KBTBD2: variants seen among roughly 807,000 people sequenced by gnomAD.
KBTBD2 encodes kelch repeat and BTB domain-containing protein 2.
A neutral mutation model predicts 57.1 loss-of-function variants in KBTBD2; 17 were observed. The ratio of observed to expected loss-of-function variants is 0.30; its 90% CI spans 0.20 to 0.45. The LOEUF (loss-of-function observed/expected upper bound fraction) is 0.45. Among genes scored for constraint, KBTBD2 ranks in the 20% least tolerant of loss-of-function variants. The pLI, the probability that KBTBD2 is intolerant of heterozygous loss-of-function variation, is 1.00. For missense variants in KBTBD2, 515 were observed against 750.6 expected (o/e 0.69, Z 3.67); for synonymous variants, 267 against 262.7 (o/e 1.02, Z -0.16).
chr7:32,869,789 C>T lies in KBTBD2; in HGVS notation c.1428G>A (p.Gly476=). 6 of 1,613,740 alleles carry T rather than the reference C, an allele frequency of 3.7e-6. No individual in the cohort carries two copies. Among genetic ancestry groups the T allele is most frequent in the Non-Finnish European group, 5.1e-6 (6 of 1,179,978 alleles). The part of the protein sequence containing the change: ...AFGDKIFYIG[G]LHIATNSGIR... ...TGCCGGAATTGGTAGCAATATGCAACCCTCCAATATAGAAAATTTTATCAC... is the reference window on the plus strand; with the variant it reads ...TGCCGGAATTGGTAGCAATATGCAATCCTCCAATATAGAAAATTTTATCAC... The change falls in exon 4 of 4, where the codon GGG becomes GGA. Residue 476 remains glycine (G), a synonymous_variant. Transcript: ENST00000304056.
intron 2 of KBTBD2, 77 bp downstream of exon 2, chr7:32,879,358 A>G (rs1327648760): frequency 1.7e-6 from 2 of 1,144,222 alleles, no homozygotes; most frequent in Non-Finnish European, 2.4e-6. Flanking sequence ...ACTTAAAAAC[A>G]AAAATTGAGA....
intron 3 of KBTBD2, among the ~76,000 whole-genome samples, chr7:32,873,384 CAA>C (rs544661966): frequency 6.5e-5 from 7 of 107,762 alleles, no homozygotes; most frequent in Admixed American, 9.8e-5. Flanking sequence ...AAGCTCTAAG[CAA>C]AAAAAAAAAA....
intron 3 of KBTBD2, among the ~76,000 whole-genome samples, chr7:32,873,663 G>A (rs1472760910): frequency 6.6e-6 from 1 of 152,182 alleles, no homozygotes; most frequent in African/African-American, 2.4e-5. Flanking sequence ...GAACCCAGGA[G>A]GCAGAGGTTG....
At chr7:32,870,928 C>T in intron 3 of KBTBD2, 48 bp from the exon 4 acceptor site, 1 of 1,172,998 alleles carries the variant, frequency 8.5e-7, no homozygotes, top group East Asian at 2.6e-5. Context: ...CCAGGACAGA[C>T]ACATTTTACT....
chr7:32,870,902 AAAC>A (rs1562531101), intron 3 of KBTBD2, 22 bp from the exon 4 acceptor site: 1 of 1,447,308 alleles, frequency 6.9e-7, no homozygotes, highest in Non-Finnish European at 9.2e-7. Context: ...AGGAAAAAAA[AAAC>A]AGGCTGATAG....
At chr7:32,883,542 T>G (rs952034337) in intron 1 of KBTBD2, among the ~76,000 whole-genome samples, 3 of 135,996 alleles carry the variant, frequency 2.2e-5, no homozygotes, top group African/African-American at 7.3e-5. Context: ...ATTCAGTATG[T>G]ACTATATTAA....
At chr7:32,887,419 G>C (rs1286835684) in intron 1 of KBTBD2, among the ~76,000 whole-genome samples, 1 of 152,122 alleles carries the variant, frequency 6.6e-6, no homozygotes, top group Non-Finnish European at 1.5e-5. Flanking sequence ...AAGTACATGA[G>C]GTGACAGATG....
Position 32,869,309 on chromosome 7 carries a change from C to T in KBTBD2, c.*36G>A, listed in dbSNP as rs749560379. 1.9e-5 allele frequency: 27 copies of T among 1,412,940 alleles called. 1 individual carries two copies. In the South Asian group the frequency reaches 3.5e-4, roughly 18 times the overall value. The allele number at this position is 1,412,940 out of a possible 1,614,324, so 87.5% of individuals were successfully genotyped here. A position where few individuals can be genotyped will look rare whatever the true frequency, so the allele number is the denominator to read the frequency against. ...TTGTTTAGCAAAGAAAATGACAAAGCACATAACTCAGGCGTGCACTCCCTG... is the reference window on the plus strand; with the variant it reads ...TTGTTTAGCAAAGAAAATGACAAAGTACATAACTCAGGCGTGCACTCCCTG... On this transcript the variant is annotated 3_prime_UTR_variant, in exon 4 of 4. Transcript: ENST00000304056.
At chr7:32,873,611 G>A (rs1784235809) in intron 3 of KBTBD2, among the ~76,000 whole-genome samples, 1 of 152,116 alleles carries the variant, frequency 6.6e-6, no homozygotes, top group South Asian at 2.1e-4. Flanking sequence ...GTACATGCCT[G>A]TAATCCCAGC....
intron 2 of KBTBD2, among the ~76,000 whole-genome samples, chr7:32,876,740 T>C (rs566858745): frequency 6.6e-6 from 1 of 152,204 alleles, no homozygotes; most frequent in Non-Finnish European, 1.5e-5. Context: ...CAGATCATCT[T>C]AGGCCAGGAG....
At chr7:32,890,945 G>A (rs1042828002) in intron 1 of KBTBD2, 2 of 152,216 alleles carry the variant, frequency 1.3e-5, no homozygotes, top group East Asian at 3.8e-4. Context: ...CGAATTCAAG[G>A]AAGTTAAAGA....
intron 2 of KBTBD2, among the ~76,000 whole-genome samples, chr7:32,876,682 T>C (rs551114048): frequency 6.6e-6 from 1 of 152,190 alleles, no homozygotes; most frequent in South Asian, 2.1e-4. Flanking sequence ...AGCTGGGCGC[T>C]TGGTGGCTCA....
intron 2 of KBTBD2, among the ~76,000 whole-genome samples, chr7:32,876,277 C>G (rs943441645): frequency 6.6e-6 from 1 of 152,084 alleles, no homozygotes; most frequent in African/African-American, 2.4e-5. Context: ...TTGGGCCCCT[C>G]AAGGACAGAG....
intron 1 of KBTBD2, among the ~76,000 whole-genome samples, chr7:32,884,476 G>C (rs574397290): frequency 2.2e-4 from 33 of 151,010 alleles, no homozygotes; most frequent in African/African-American, 8.0e-4. Context: ...GATCACCTGA[G>C]TTCAGGAGAT....
chr7:32,883,954 G>A (rs1218218244), intron 1 of KBTBD2, among the ~76,000 whole-genome samples: 1 of 152,190 alleles, frequency 6.6e-6, no homozygotes, highest in East Asian at 1.9e-4. Flanking sequence ...GCAAATGAGT[G>A]AAGCAAGCTG....
In KBTBD2 at chr7:32,870,846, A is replaced by G. The variant is rs759018700; in HGVS notation, c.371T>C (p.Leu124Ser). The G allele has an allele frequency of 1.3e-6, 2 of 1,592,858 alleles. No individual in the cohort carries two copies. The highest frequency in any genetic ancestry group is 3.6e-5 in the Admixed American group (2 of 56,022). ...ATTCTCTGCATTTATTTTTTTAATT[A>G]AATATTCTCGACAACGTTGTAACAC... ...EDVLQRCREYLIKKINAENCV... is the reference protein window; with the variant it reads ...EDVLQRCREYSIKKINAENCV... The change falls in exon 4 of 4, where the codon TTA becomes TCA. Residue 124 changes from leucine to serine, a missense_variant. Coordinates refer to ENST00000304056, the MANE Select transcript of KBTBD2 (RefSeq NM_015483.3).
intron 1 of KBTBD2, among the ~76,000 whole-genome samples, chr7:32,888,775 A>T (rs528097451): frequency 1.1e-4 from 16 of 152,004 alleles, no homozygotes; most frequent in Non-Finnish European, 1.5e-4. Context: ...TCTCTTTCCA[A>T]CCATACTGAT....
chr7:32,873,503 G>A (rs559322050), intron 3 of KBTBD2, among the ~76,000 whole-genome samples: 3 of 152,276 alleles, frequency 2.0e-5, no homozygotes, highest in Non-Finnish European at 4.4e-5. Context: ...GGAGGCCAAG[G>A]CGGGTGGATC....
intron 3 of KBTBD2, among the ~76,000 whole-genome samples, chr7:32,871,380 T>C (rs570574428): frequency 2.6e-5 from 4 of 152,190 alleles, no homozygotes; most frequent in South Asian, 2.1e-4. Context: ...AGAGGTAAGA[T>C]AACAAAGCAA....
Sources: allele counts gnomAD v4.1 joint callset (sites outside exome capture counted in the v4.1 genomes callset), GRCh38; gene constraint gnomAD v4.1.1; transcripts MANE v1.5; gene names NCBI Gene and HGNC (gene_info 2026-07-23, HGNC 2026-07-21).